Variants in CDH20 observed in about 807,000 individuals in gnomAD.
CDH20 encodes the protein cadherin-20.
A neutral mutation model predicts 74.2 loss-of-function variants in CDH20; 29 were observed. The observed-to-expected ratio is 0.39, with a 90% CI of 0.29 to 0.53. The LOEUF (loss-of-function observed/expected upper bound fraction) is 0.53. Ranked by LOEUF, CDH20 falls within the 20% of genes least tolerant of loss-of-function variation. The pLI is 0.69. For synonymous variants in CDH20, 469 were observed against 405.4 expected (o/e 1.16, Z -1.88); for missense variants, 988 against 1,048.3 (o/e 0.94, Z 0.79).
intron 1 of CDH20, among the ~76,000 whole-genome samples, chr18:61,380,836 A>G (rs754143075): frequency 6.6e-6 from 1 of 152,186 alleles, no homozygotes; most frequent in Non-Finnish European, 1.5e-5. Flanking sequence ...AAGACTCAAG[A>G]TTTAGAAAAA....
chr18:61,381,120 T>G (rs1040284067), intron 1 of CDH20, among the ~76,000 whole-genome samples: 1 of 152,180 alleles, frequency 6.6e-6, no homozygotes, highest in African/African-American at 2.4e-5. Context: ...CTTACCTATG[T>G]GCTTATTTTA....
At chr18:61,473,608 T>G (rs1910264085) in intron 1 of CDH20, among the ~76,000 whole-genome samples, 1 of 152,206 alleles carries the variant, frequency 6.6e-6, no homozygotes, top group South Asian at 2.1e-4. Flanking sequence ...AAAAGAAACA[T>G]ACAGCAATTT....
At chr18:61,415,181 T>G (rs1912642626) in intron 1 of CDH20, among the ~76,000 whole-genome samples, 1 of 152,186 alleles carries the variant, frequency 6.6e-6, no homozygotes, top group Admixed American at 6.5e-5. Context: ...ATCATCTAAT[T>G]AGCTCCCTAT....
At position 61,490,760 on chromosome 18, in the gene CDH20, G is replaced by A; in HGVS notation, c.207G>A (p.Leu69=). ...GGGTTTGGAACCAGTTTTTCGTTCT[G>A]GAAGAGTACACTGGGACCGACCCTT... The part of the protein sequence containing the change: ...RSWVWNQFFV[L]EEYTGTDPLY... The change falls in exon 2 of 12, where the codon CTG becomes CTA. Residue 69 remains leucine, a synonymous_variant. Transcript: ENST00000262717. 5.0e-6 allele frequency: 8 copies of A among 1,614,110 alleles called. No individual in the cohort carries two copies. The highest frequency in any genetic ancestry group is 1.6e-4 in the Middle Eastern group (1 of 6,062).
At chr18:61,405,128 C>A in intron 1 of CDH20, 2 of 631,480 alleles carry the variant, frequency 3.2e-6, no homozygotes, top group Non-Finnish European at 3.0e-6. Flanking sequence ...CCAGCACATG[C>A]TTCTCACTTT....
chr18:61,536,343 C>G, intron 7 of CDH20, 150 bp from the exon 8 acceptor site: 1 of 605,088 alleles, frequency 1.7e-6, no homozygotes, highest in East Asian at 2.6e-5. Flanking sequence ...TGTTTCTGAA[C>G]AAATAAAACC....
intron 1 of CDH20, among the ~76,000 whole-genome samples, chr18:61,359,591 C>T (rs1382032241): frequency 1.3e-5 from 2 of 151,832 alleles, no homozygotes; most frequent in Admixed American, 1.3e-4. Context: ...TAGTGCTAAA[C>T]TAAGATATGT....
At chr18:61,387,911 G>C (rs1056064983) in intron 1 of CDH20, among the ~76,000 whole-genome samples, 1 of 151,724 alleles carries the variant, frequency 6.6e-6, no homozygotes, top group Non-Finnish European at 1.5e-5. Context: ...TTTAAATTCT[G>C]TTGCATTTTC....
intron 1 of CDH20, among the ~76,000 whole-genome samples, chr18:61,421,065 A>ATAC (rs375257989): frequency 4.6e-4 from 70 of 152,254 alleles, no homozygotes; most frequent in African/African-American, 1.7e-3. Context: ...AATAATAATA[A>ATAC]TACATACTAA....
intron 1 of CDH20, among the ~76,000 whole-genome samples, chr18:61,367,600 C>T (rs1910903518): frequency 6.6e-6 from 1 of 152,116 alleles, no homozygotes; most frequent in African/African-American, 2.4e-5. Flanking sequence ...TCCCTTCTGC[C>T]TTCAAAGTCT....
intron 1 of CDH20, among the ~76,000 whole-genome samples, chr18:61,402,673 A>C (rs939706250): frequency 6.6e-5 from 10 of 152,210 alleles, no homozygotes; most frequent in African/African-American, 2.4e-4. Context: ...CCATTAGGGT[A>C]CCATTTAGAA....
chr18:61,349,697 A>G (rs568520273), intron 1 of CDH20, among the ~76,000 whole-genome samples: 116 of 152,212 alleles, frequency 7.6e-4, no homozygotes, highest in African/African-American at 2.6e-3. Flanking sequence ...ATCCAAATGC[A>G]GCAACATCCT....
At chr18:61,437,759 A>G (rs564918084) in intron 1 of CDH20, among the ~76,000 whole-genome samples, 4 of 152,296 alleles carry the variant, frequency 2.6e-5, no homozygotes, top group African/African-American at 9.6e-5. Flanking sequence ...GAGGTTGACC[A>G]TTACAGTGAC....
intron 1 of CDH20, among the ~76,000 whole-genome samples, chr18:61,355,720 T>C (rs181921683): frequency 1.6e-4 from 24 of 151,774 alleles, no homozygotes; most frequent in Admixed American, 1.3e-3. Context: ...GAAAATGGAG[T>C]AGCACTGTCA....
intron 1 of CDH20, among the ~76,000 whole-genome samples, chr18:61,461,345 A>C (rs533296875): frequency 1.1e-4 from 16 of 150,046 alleles, no homozygotes; most frequent in Admixed American, 2.0e-4. Flanking sequence ...AAAAAAAAAA[A>C]AAACCAGAAA....
At chr18:61,389,444 A>G (rs1204028431) in intron 1 of CDH20, among the ~76,000 whole-genome samples, 1 of 152,196 alleles carries the variant, frequency 6.6e-6, no homozygotes, top group Non-Finnish European at 1.5e-5. Context: ...GAATCAGGAC[A>G]GTTTTGTATA....
intron 1 of CDH20, among the ~76,000 whole-genome samples, chr18:61,387,814 C>T (rs138989650): frequency 5.9e-5 from 9 of 152,208 alleles, no homozygotes; most frequent in African/African-American, 1.4e-4. Flanking sequence ...TGCTTGTCCA[C>T]GGTGGAGGAA....
intron 1 of CDH20, among the ~76,000 whole-genome samples, chr18:61,461,745 A>T (rs925077389): frequency 1.3e-5 from 2 of 152,316 alleles, no homozygotes; most frequent in South Asian, 2.1e-4. Context: ...GAGGGGCTCA[A>T]GAGCCCTGTT....
In CDH20 at chr18:61,490,660, C is replaced by A. The variant is rs984580839; in HGVS notation, c.107C>A (p.Thr36Asn). Residue 36 changes from threonine (T) to asparagine (N), a missense_variant, in exon 2 of 12, where the codon ACC (threonine) becomes AAC (asparagine). Thr to Asn is a moderately conservative substitution (Grantham distance 65, BLOSUM62 0). This residue lies in a region of CDH20 where 613 missense variants were observed against 755.2 expected (regional missense o/e 0.81). Transcript: ENST00000262717. ...MDLTTTVLSDTPTPQGELEAL... is the reference protein window; with the variant it reads ...MDLTTTVLSDNPTPQGELEAL... ...CTTACGACCACCGTTCTCTCGGACACCCCAACACCACAAGGTGAATTAGAA... is the reference window on the plus strand; with the variant it reads ...CTTACGACCACCGTTCTCTCGGACAACCCAACACCACAAGGTGAATTAGAA... The A allele has an allele frequency of 6.2e-7, 1 of 1,613,946 alleles. No individual in the cohort carries two copies. The highest frequency in any genetic ancestry group is 8.5e-7 in the Non-Finnish European group (1 of 1,180,022).
Sources: allele counts gnomAD v4.1 joint callset (sites outside exome capture counted in the v4.1 genomes callset), GRCh38; gene constraint gnomAD v4.1.1; regional missense constraint gnomAD v4.1.1; transcripts MANE v1.5; gene names NCBI Gene and HGNC (gene_info 2026-07-23, HGNC 2026-07-21).